TLK1: variants seen among roughly 807,000 people sequenced by gnomAD.
The protein encoded by TLK1 is tousled like kinase 1, also known as serine/threonine-protein kinase tousled-like 1.
A neutral mutation model predicts 105.3 loss-of-function variants in TLK1; 24 were observed. That is an observed-to-expected ratio of 0.23 (90% CI 0.17 to 0.32). The LOEUF (loss-of-function observed/expected upper bound fraction) is 0.32, where lower values mean the gene tolerates loss of function less well. Ranked by LOEUF, TLK1 falls within the 10% of genes least tolerant of loss-of-function variation. TLK1 has a pLI of 1.00. For synonymous variants in TLK1, 321 were observed against 310.4 expected, an observed-to-expected ratio of 1.03 and a Z score of -0.36; for missense variants, 558 against 910.5, an observed-to-expected ratio of 0.61 and a Z score of 4.98.
chr2:171,130,515 G>A (rs1010447077), intron 1 of TLK1, among the ~76,000 whole-genome samples: 1 of 126,888 alleles, frequency 7.9e-6, no homozygotes, highest in African/African-American at 3.7e-5. Context: ...GGTTTTGGCA[G>A]GTTCCTGGAC....
intron 1 of TLK1, among the ~76,000 whole-genome samples, chr2:171,220,324 T>C (rs184591276): frequency 2.6e-5 from 4 of 152,296 alleles, no homozygotes; most frequent in Admixed American, 2.6e-4. Flanking sequence ...TGAGCCCTGG[T>C]GATTTGCCTC....
chr2:171,069,482 T>C (rs1159637080), intron 3 of TLK1, among the ~76,000 whole-genome samples: 2 of 152,204 alleles, frequency 1.3e-5, no homozygotes, highest in Non-Finnish European at 2.9e-5. Flanking sequence ...GCATTTTTGG[T>C]TGACGCACTG....
intron 1 of TLK1, among the ~76,000 whole-genome samples, chr2:171,148,890 A>AAAAAAAAAAAAAAATAT (rs1445171800): frequency 1.4e-5 from 2 of 138,466 alleles, no homozygotes; most frequent in African/African-American, 5.4e-5. Flanking sequence ...AAAAAAAAAA[A>AAAAAAAAAAAAAAATAT]ATATATATAT....
chr2:171,137,209 G>C (rs1292433636), intron 1 of TLK1, among the ~76,000 whole-genome samples: 1 of 151,872 alleles, frequency 6.6e-6, no homozygotes, highest in Non-Finnish European at 1.5e-5. Context: ...TTGAGGCTTG[G>C]AGGTCAAGGC....
chr2:171,021,087 T>C (rs1375442681), intron 12 of TLK1, among the ~76,000 whole-genome samples: 1 of 152,154 alleles, frequency 6.6e-6, no homozygotes, highest in African/African-American at 2.4e-5. Context: ...TGGTTTACTC[T>C]CCCTTCAAAT....
chr2:171,163,422 T>C (rs1459885105), upstream of TLK1, among the ~76,000 whole-genome samples: 1 of 152,196 alleles, frequency 6.6e-6, no homozygotes, highest in Non-Finnish European at 1.5e-5. Flanking sequence ...TGTTGATAAA[T>C]GTATGCTCTT....
chr2:171,128,797 CAT>C (rs1359620262), intron 1 of TLK1, among the ~76,000 whole-genome samples: 5 of 152,062 alleles, frequency 3.3e-5, no homozygotes, highest in African/African-American at 1.2e-4. Flanking sequence ...CACATACTCA[CAT>C]ATAGATGTAT....
intron 1 of TLK1, among the ~76,000 whole-genome samples, chr2:171,175,074 G>T (rs897458716): frequency 7.9e-5 from 12 of 151,934 alleles, no homozygotes; most frequent in Non-Finnish European, 1.5e-4. Context: ...TATACAAAAT[G>T]GATAAAATCA....
At chr2:171,025,997 A>T (rs946875696) in intron 12 of TLK1, among the ~76,000 whole-genome samples, 3 of 152,158 alleles carry the variant, frequency 2.0e-5, no homozygotes, top group African/African-American at 7.2e-5. Context: ...ATGACATGAG[A>T]GTATGTTTCA....
rs544246176 is a variant in TLK1 at position 171,220,720 on chromosome 2, T to G, written c.-6+10425A>C. Among the ~76,000 whole-genome samples, 14 of 145,732 alleles carry G rather than the reference T, an allele frequency of 9.6e-5. No individual in the cohort carries two copies. The South Asian group carries it at 1.3e-3, about 14-fold the overall frequency. ...CATACAACTATGAAGATAGTGTTTG[T>G]TTTTTTTTTTGAGTCATTAAGTTGG... On this transcript the variant is annotated intron_variant, in intron 1 of 20. Transcript: ENST00000521943.
chr2:171,064,084 CA>C (rs1687880075), intron 3 of TLK1, among the ~76,000 whole-genome samples: 1 of 152,068 alleles, frequency 6.6e-6, no homozygotes, highest in Non-Finnish European at 1.5e-5. Flanking sequence ...TTAAACCAAC[CA>C]AAAAGCAAAC....
At chr2:171,002,725 C>G (rs560746027) in intron 18 of TLK1, among the ~76,000 whole-genome samples, 1 of 152,250 alleles carries the variant, frequency 6.6e-6, no homozygotes, top group East Asian at 1.9e-4. Context: ...CTCCACATCC[C>G]AGGCTCAAGC....
chr2:171,123,834 AC>A (rs1252672872), intron 1 of TLK1, among the ~76,000 whole-genome samples: 2 of 152,288 alleles, frequency 1.3e-5, no homozygotes, highest in Admixed American at 6.5e-5. Context: ...AAACAAAAAA[AC>A]ACTGATCTGT....
intron 1 of TLK1, among the ~76,000 whole-genome samples, chr2:171,148,593 G>C (rs1231699735): frequency 6.6e-6 from 1 of 151,974 alleles, no homozygotes; most frequent in Non-Finnish European, 1.5e-5. Flanking sequence ...TTAAGTGAAT[G>C]TATACAAGGC....
At chr2:171,074,564 T>C (rs1688410996) in intron 3 of TLK1, among the ~76,000 whole-genome samples, 1 of 150,116 alleles carries the variant, frequency 6.7e-6, no homozygotes, top group African/African-American at 2.5e-5. Flanking sequence ...AAGGCAGTGG[T>C]TGCAGGGAGC....
At chr2:171,063,095 C>T (rs1183982349) in intron 3 of TLK1, among the ~76,000 whole-genome samples, 2 of 152,168 alleles carry the variant, frequency 1.3e-5, no homozygotes, top group Non-Finnish European at 2.9e-5. Context: ...CCTGCAATCT[C>T]AGCACTTTCG....
intron 2 of TLK1, among the ~76,000 whole-genome samples, chr2:171,099,859 A>C (rs1036756998): frequency 2.0e-5 from 3 of 152,188 alleles, no homozygotes; most frequent in Non-Finnish European, 2.9e-5. Flanking sequence ...ATTAACTCAA[A>C]ATGGATCAAA....
chr2:171,074,846 T>C (rs893713788), intron 3 of TLK1, among the ~76,000 whole-genome samples: 10 of 151,736 alleles, frequency 6.6e-5, no homozygotes, highest in Non-Finnish European at 8.8e-5. Flanking sequence ...AAATTGATGA[T>C]AGGTGTCTAA....
chr2:171,119,076 A>G (rs968441677), intron 1 of TLK1, among the ~76,000 whole-genome samples: 1 of 152,224 alleles, frequency 6.6e-6, no homozygotes, highest in Admixed American at 6.5e-5. Context: ...TCTTGTATTC[A>G]CAAGTACCCT....
Sources: gnomAD v4.1 joint callset for allele counts (sites outside exome capture counted in the v4.1 genomes callset) on GRCh38, gnomAD v4.1.1 for gene constraint, MANE v1.5 for transcripts, NCBI Gene and HGNC (gene_info 2026-07-23, HGNC 2026-07-21) for gene names.